The following NYAP2 variants were observed in gnomAD, a reference collection of about 807,000 sequenced individuals.
NYAP2 encodes neuronal tyrosine-phosphorylated phosphoinositide-3-kinase adapter 2.
NYAP2 carries 23 observed loss-of-function variants against 50.4 expected under a neutral mutation model. That is an observed-to-expected ratio of 0.46 (90% confidence interval 0.33 to 0.65). The LOEUF is 0.65. Ranked by LOEUF, NYAP2 falls within the 30% of genes least tolerant of loss-of-function variation. NYAP2 has a pLI of 0.02. For synonymous variants in NYAP2, 394 were observed against 365.2 expected, an observed-to-expected ratio of 1.08 and a Z score of -0.90; for missense variants, 885 against 861.0, an observed-to-expected ratio of 1.03 and a Z score of -0.35.
rs145481808 is a variant in NYAP2 at position 225,596,096 on chromosome 2, T to C, written c.1618+13061T>C. On this transcript the variant is annotated intron_variant, in intron 5 of 6. Coordinates refer to ENST00000636099, the Ensembl canonical transcript of NYAP2. Reference sequence around the variant, plus strand: ...AGTGCAGTGGTGATTCACAGGCATGTTCATAGTGCACTACAGCCTCCAACT... The same window carrying C: ...AGTGCAGTGGTGATTCACAGGCATGCTCATAGTGCACTACAGCCTCCAACT... Among the ~76,000 whole-genome samples, 844 of 152,222 alleles carry C rather than the reference T, an allele frequency of 5.5e-3. 11 individuals are homozygous for C. The highest frequency in any genetic ancestry group is 0.018 in the African/African-American group (765 of 41,554).
intron 4 of NYAP2, among the ~76,000 whole-genome samples, chr2:225,521,710 A>G (rs1354679620): frequency 3.9e-5 from 6 of 151,974 alleles, no homozygotes; most frequent in Admixed American, 3.9e-4. Context: ...ATCAATGTTC[A>G]TCAAGGATAT....
intron 3 of NYAP2, among the ~76,000 whole-genome samples, chr2:225,422,501 G>A (rs1224451477): frequency 6.6e-6 from 1 of 152,040 alleles, no homozygotes. Flanking sequence ...GAAGAATAAT[G>A]TCTGTCTGAA....
In NYAP2 at chr2:225,627,879, G is replaced by A. The variant is rs1457790780; in HGVS notation, c.1828+753G>A. 3.3e-5 allele frequency among the ~76,000 whole-genome samples: 5 copies of A among 152,224 alleles called. No individual in the cohort carries two copies. The South Asian group carries it at 6.2e-4, about 19-fold the overall frequency. On this transcript the variant is annotated intron_variant, in intron 6 of 6. Coordinates refer to ENST00000636099, the Ensembl canonical transcript of NYAP2. ...ACAACAAATAATCAAGGAACCTCCT[G>A]TAGTTTCAGGTTTCTATTTCTTAAG...
At chr2:225,511,494 T>C (rs1376213666) in intron 3 of NYAP2, among the ~76,000 whole-genome samples, 1 of 152,122 alleles carries the variant, frequency 6.6e-6, no homozygotes, top group East Asian at 1.9e-4. Flanking sequence ...TGCTTCTGGA[T>C]ACTGTTGATT....
chr2:225,579,165 A>T (rs957677787), intron 4 of NYAP2, among the ~76,000 whole-genome samples: 1 of 151,402 alleles, frequency 6.6e-6, no homozygotes, highest in African/African-American at 2.4e-5. Flanking sequence ...TGAGGGTCCT[A>T]CCCTCATGAC....
intron 3 of NYAP2, among the ~76,000 whole-genome samples, chr2:225,483,318 A>G (rs1574637328): frequency 6.6e-6 from 1 of 152,316 alleles, no homozygotes; most frequent in East Asian, 1.9e-4. Context: ...TAAACTCATC[A>G]AACTATAATT....
chr2:225,672,334 T>G, the NYAP2 span, among the ~76,000 whole-genome samples: 1 of 152,166 alleles, frequency 6.6e-6, no homozygotes, highest in African/African-American at 2.4e-5. Context: ...TTAAACCTAA[T>G]CAACCAATTT....
At chr2:225,434,519 T>A (rs1252758827) in intron 3 of NYAP2, among the ~76,000 whole-genome samples, 4 of 152,204 alleles carry the variant, frequency 2.6e-5, no homozygotes, top group Non-Finnish European at 4.4e-5. Context: ...GTTCATGCAT[T>A]CAACTGATAC....
At chr2:225,440,252 C>T (rs1689448446) in intron 3 of NYAP2, among the ~76,000 whole-genome samples, 1 of 152,222 alleles carries the variant, frequency 6.6e-6, no homozygotes, top group Non-Finnish European at 1.5e-5. Context: ...ATTCCACCTT[C>T]AGATCATAGG....
At chr2:225,515,372 G>A (rs754691379) in intron 4 of NYAP2, among the ~76,000 whole-genome samples, 5 of 152,156 alleles carry the variant, frequency 3.3e-5, no homozygotes, top group Non-Finnish European at 7.3e-5. Flanking sequence ...CTTTAACAGA[G>A]AGAAGTGTAC....
the NYAP2 span, among the ~76,000 whole-genome samples, chr2:225,683,363 A>G: frequency 1.3e-5 from 2 of 152,170 alleles, no homozygotes; most frequent in African/African-American, 4.8e-5. Flanking sequence ...TCAGGCTTAC[A>G]GTGTGTGTTT....
the NYAP2 span, among the ~76,000 whole-genome samples, chr2:225,679,595 A>T: frequency 6.7e-6 from 1 of 149,174 alleles, no homozygotes; most frequent in African/African-American, 2.5e-5. Flanking sequence ...CCCTGGTTCA[A>T]GCTATTCTCC....
chr2:225,430,587 C>T (rs1695351825), intron 3 of NYAP2, among the ~76,000 whole-genome samples: 1 of 152,194 alleles, frequency 6.6e-6, no homozygotes, highest in Non-Finnish European at 1.5e-5. Flanking sequence ...TCACACCCCA[C>T]CACACTATGA....
intron 4 of NYAP2, among the ~76,000 whole-genome samples, chr2:225,537,060 G>A (rs1398378489): frequency 6.6e-6 from 1 of 152,118 alleles, no homozygotes; most frequent in African/African-American, 2.4e-5. Context: ...TTACAGGCGT[G>A]AGCCACTGAG....
At chr2:225,654,238 T>TCCTTGCTTTG (rs1693787913), downstream of NYAP2, among the ~76,000 whole-genome samples, 3 of 152,098 alleles carry the variant, frequency 2.0e-5, no homozygotes, top group African/African-American at 7.2e-5. Flanking sequence ...AGGGAACACC[T>TCCTTGCTTTG]AGCACTATCA....
At chr2:225,487,541 G>A (rs1690323997) in intron 3 of NYAP2, among the ~76,000 whole-genome samples, 1 of 151,904 alleles carries the variant, frequency 6.6e-6, no homozygotes, top group Non-Finnish European at 1.5e-5. Flanking sequence ...TGTATTTTTA[G>A]TAGAGACAGG....
chr2:225,668,815 G>T, the NYAP2 span, among the ~76,000 whole-genome samples: 7 of 152,078 alleles, frequency 4.6e-5, no homozygotes, highest in African/African-American at 1.7e-4. Flanking sequence ...ACCACTAGAG[G>T]GAGGGAGAGG....
the NYAP2 span, among the ~76,000 whole-genome samples, chr2:225,675,132 A>G: frequency 6.6e-6 from 1 of 152,176 alleles, no homozygotes; most frequent in South Asian, 2.1e-4. Context: ...TTTCCATCGA[A>G]CTTTTTAAAA....
At chr2:225,675,067 CAT>C in the NYAP2 span, among the ~76,000 whole-genome samples, 10 of 152,110 alleles carry the variant, frequency 6.6e-5, no homozygotes, top group South Asian at 4.1e-4. Flanking sequence ...TTACAAGCCA[CAT>C]ATGTCATATT....
Sources: allele counts gnomAD v4.1 joint callset (sites outside exome capture counted in the v4.1 genomes callset), GRCh38; gene constraint gnomAD v4.1.1; transcripts MANE v1.5; gene names NCBI Gene and HGNC (gene_info 2026-07-23, HGNC 2026-07-21).